BNIP3L: variants seen among roughly 807,000 people sequenced by gnomAD.
BNIP3L encodes BCL2/adenovirus E1B 19 kDa protein-interacting protein 3-like.
Under a neutral mutation model 25.5 loss-of-function variants are expected in BNIP3L, and 10 were observed. The ratio of observed to expected loss-of-function variants is 0.39; its 90% CI spans 0.24 to 0.67. BNIP3L has a LOEUF of 0.67. Among genes scored for constraint, BNIP3L ranks in the 30% least tolerant of loss-of-function variants. The pLI is 0.45. For missense variants in BNIP3L, 215 were observed against 270.9 expected, an observed-to-expected ratio of 0.79 and a Z score of 1.45; for synonymous variants, 113 against 101.2, an observed-to-expected ratio of 1.12 and a Z score of -0.70.
At chr8:26,407,654 A>G (rs1425675889) in intron 3 of BNIP3L, among the ~76,000 whole-genome samples, 3 of 152,166 alleles carry the variant, frequency 2.0e-5, no homozygotes, top group Non-Finnish European at 4.4e-5. Context: ...AAGTGCATAC[A>G]AGAGAGAATA....
intron 3 of BNIP3L, among the ~76,000 whole-genome samples, chr8:26,403,179 AAGAC>A (rs1249220333): frequency 6.6e-6 from 1 of 152,192 alleles, no homozygotes; most frequent in Non-Finnish European, 1.5e-5. Context: ...AGAGTTTGGA[AAGAC>A]AGCCTAACCC....
At chr8:26,384,290 G>T (rs1335964218) in intron 1 of BNIP3L, among the ~76,000 whole-genome samples, 2 of 152,162 alleles carry the variant, frequency 1.3e-5, no homozygotes, top group African/African-American at 4.8e-5. Flanking sequence ...GTAAGAGGGA[G>T]GTGCTTCCAG....
At chr8:26,405,426 C>T (rs1049557552) in intron 3 of BNIP3L, among the ~76,000 whole-genome samples, 1 of 152,134 alleles carries the variant, frequency 6.6e-6, no homozygotes, top group African/African-American at 2.4e-5. Context: ...GGAGCTTAAT[C>T]CTAAATGCTA....
chr8:26,406,402 C>T (rs943797655), intron 3 of BNIP3L, among the ~76,000 whole-genome samples: 1 of 152,222 alleles, frequency 6.6e-6, no homozygotes, highest in Non-Finnish European at 1.5e-5. Context: ...GGTTTGAATA[C>T]TGGCCCTGCT....
intron 3 of BNIP3L, among the ~76,000 whole-genome samples, chr8:26,398,543 C>G (rs1806298238): frequency 7.4e-6 from 1 of 134,236 alleles, no homozygotes; most frequent in Admixed American, 7.7e-5. Context: ...AATTGACACC[C>G]TAGCATCACA....
intron 3 of BNIP3L, among the ~76,000 whole-genome samples, chr8:26,407,748 G>A (rs1237165222): frequency 6.6e-6 from 1 of 152,182 alleles, no homozygotes; most frequent in Non-Finnish European, 1.5e-5. Flanking sequence ...ACATCCCAAA[G>A]TACAGTCTTA....
intron 3 of BNIP3L, among the ~76,000 whole-genome samples, chr8:26,401,393 A>G (rs1201434683): frequency 2.0e-5 from 3 of 150,882 alleles, no homozygotes; most frequent in East Asian, 3.9e-4. Flanking sequence ...AGGAAGGGGA[A>G]TATCACACTC....
chr8:26,389,486 G>A (rs962445985), intron 1 of BNIP3L, among the ~76,000 whole-genome samples: 7 of 152,140 alleles, frequency 4.6e-5, no homozygotes, highest in Admixed American at 2.0e-4. Flanking sequence ...TTTTATGTGT[G>A]TATAGAATGA....
Position 26,411,516 on chromosome 8 carries a change from C to T in BNIP3L, c.*1104C>T, listed in dbSNP as rs17310286. The stretch of plus-strand genomic sequence containing the variant: ...GTTCTGAAAAGATGCCATTTGTTTC[C>T]TTCTGATCTCTCACTGAATAATGTT... On this transcript the variant is annotated 3_prime_UTR_variant, in exon 6 of 6. Transcript: ENST00000380629. The T allele has an allele frequency of 0.19, 29,469 of 152,124 alleles. 3,101 individuals carry two copies. The highest frequency in any genetic ancestry group is 0.41 in the East Asian group (2,120 of 5,158). 9.4% of individuals were successfully genotyped at this position (152,124 alleles called of 1,614,324 possible). A position where few individuals can be genotyped will look rare whatever the true frequency, so the allele number is the denominator to read the frequency against.
intron 1 of BNIP3L, 171 bp downstream of exon 1, chr8:26,383,401 C>T (rs1366575695): frequency 6.9e-7 from 1 of 1,439,082 alleles, no homozygotes; most frequent in East Asian, 2.5e-5. Context: ...GGGCGCCTGC[C>T]TTGCTCCGGG....
In BNIP3L at chr8:26,410,468, A is replaced by G. The variant is rs776777883; in HGVS notation, c.*56A>G. ...GACCTGTGAAGTGGTGTATTGTCACAGTAGCTTATTTGAACTTGAGACCAT... is the reference window on the plus strand; with the variant it reads ...GACCTGTGAAGTGGTGTATTGTCACGGTAGCTTATTTGAACTTGAGACCAT... On this transcript the variant is annotated 3_prime_UTR_variant, in exon 6 of 6. Transcript: ENST00000380629. The G allele has an allele frequency of 1.2e-6, 2 of 1,600,064 alleles. No individual in the cohort carries two copies. Among genetic ancestry groups the G allele is most frequent in the Non-Finnish European group, 1.7e-6 (2 of 1,167,336 alleles).
At chr8:26,394,496 T>C (rs904460547) in intron 2 of BNIP3L, among the ~76,000 whole-genome samples, 10 of 152,194 alleles carry the variant, frequency 6.6e-5, no homozygotes, top group African/African-American at 2.4e-4. Context: ...TGAGAAAATA[T>C]ATATTCATTC....
chr8:26,383,304 C>CGCGGGAG (rs1805898558), intron 1 of BNIP3L, 74 bp downstream of exon 1: 6 of 1,543,180 alleles, frequency 3.9e-6, no homozygotes, highest in South Asian at 1.2e-5. Context: ...ACCGGCGCGG[C>CGCGGGAG]GCGGGAGGCG....
At chr8:26,390,665 T>G (rs549947078) in intron 1 of BNIP3L, 1 of 722,432 alleles carries the variant, frequency 1.4e-6, no homozygotes, top group African/African-American at 1.9e-5. Flanking sequence ...ATTAATTTTA[T>G]GCTCCTGATT....
chr8:26,408,473 C>T (rs1806548292), intron 5 of BNIP3L, 97 bp downstream of exon 5: 2 of 1,376,508 alleles, frequency 1.5e-6, no homozygotes, highest in East Asian at 2.3e-5. Context: ...TATTGCTTTA[C>T]TTTCAATGTT....
At position 26,410,641 on chromosome 8, in the gene BNIP3L, G is replaced by A; in HGVS notation, c.*229G>A. On this transcript the variant is annotated 3_prime_UTR_variant, in exon 6 of 6. Coordinates refer to ENST00000380629, the MANE Select transcript of BNIP3L (RefSeq NM_004331.3). ...AGACATTTTAGAATTTCCTAACAGA[G>A]TTTACTGTTGTTTAGAAATTTGCAA... 2 of 522,688 alleles carry A rather than the reference G, an allele frequency of 3.8e-6. No homozygotes were observed. The highest frequency in any genetic ancestry group is 3.4e-6 in the Non-Finnish European group (1 of 290,574). The allele number at this position is 522,688 out of a possible 1,614,324, so 32.4% of individuals were successfully genotyped here.
At chr8:26,408,474 T>C in intron 5 of BNIP3L, 98 bp downstream of exon 5, 2 of 1,373,298 alleles carry the variant, frequency 1.5e-6, no homozygotes, top group Non-Finnish European at 2.0e-6. Context: ...ATTGCTTTAC[T>C]TTCAATGTTT....
intron 1 of BNIP3L, among the ~76,000 whole-genome samples, 191 bp from the exon 2 acceptor site, chr8:26,391,052 A>G (rs1806096289): frequency 6.6e-6 from 1 of 151,590 alleles, no homozygotes. Flanking sequence ...AGTTGATGGC[A>G]TGAGCTATTT....
chr8:26,386,640 A>T (rs1806000351), intron 1 of BNIP3L, among the ~76,000 whole-genome samples: 1 of 152,080 alleles, frequency 6.6e-6, no homozygotes, highest in Admixed American at 6.6e-5. Flanking sequence ...TCACTTTGTC[A>T]CCCAGGCTGG....
Sources: gnomAD v4.1 joint callset for allele counts (sites outside exome capture counted in the v4.1 genomes callset) on GRCh38, gnomAD v4.1.1 for gene constraint, MANE v1.5 for transcripts, NCBI Gene and HGNC (gene_info 2026-07-23, HGNC 2026-07-21) for gene names.